The following FANCI variants were observed in gnomAD, a reference collection of about 807,000 sequenced individuals.
FANCI encodes the protein Fanconi anemia group I protein.
In FANCI, 156 loss-of-function variants were observed where a neutral mutation model predicts 176.1. That is an observed-to-expected ratio of 0.89 (90% CI 0.78 to 1.01). FANCI has a LOEUF of 1.01. Ranked by LOEUF, FANCI falls within the 50% of genes least tolerant of loss-of-function variation. FANCI has a pLI of 0.00. For synonymous variants in FANCI, 613 were observed against 541.7 expected (o/e 1.13, Z -1.83); for missense variants, 1,678 against 1,534.1 (o/e 1.09, Z -1.57).
At chr15:89,291,497 A>C (rs1005117472) in intron 19 of FANCI, 116 bp from the exon 20 acceptor site, 2 of 827,046 alleles carry the variant, frequency 2.4e-6, no homozygotes, top group Admixed American at 1.9e-5. Flanking sequence ...TTCTTTGAAC[A>C]GTTGGGAAAT....
intron 10 of FANCI, among the ~76,000 whole-genome samples, chr15:89,271,852 C>T (rs781244847): frequency 6.6e-6 from 1 of 152,142 alleles, no homozygotes; most frequent in Non-Finnish European, 1.5e-5. Flanking sequence ...AGCAGTCTCC[C>T]AGCTGGTGGA....
chr15:89,291,151 T>C (rs1015982532), intron 19 of FANCI, among the ~76,000 whole-genome samples: 1 of 152,232 alleles, frequency 6.6e-6, no homozygotes, highest in Admixed American at 6.5e-5. Flanking sequence ...GGCTGTCTTA[T>C]ATGCCAAATA....
chr15:89,272,362 CTT>C (rs923422823), intron 10 of FANCI, among the ~76,000 whole-genome samples: 7 of 151,918 alleles, frequency 4.6e-5, no homozygotes, highest in African/African-American at 1.5e-4. Context: ...TTTTCAATAA[CTT>C]TGTTATGAAT....
chr15:89,261,320 C>T (rs2052703806), intron 4 of FANCI, among the ~76,000 whole-genome samples: 1 of 152,130 alleles, frequency 6.6e-6, no homozygotes, highest in Admixed American at 6.6e-5. Flanking sequence ...GTATATATTA[C>T]ATTTCTGGTA....
chr15:89,290,208 C>A lies in FANCI; in HGVS notation c.1822-5C>A. Reference sequence around the variant, plus strand: ...TGCTTATTTCTTCTCTTTGATTCCTCTTAGGGGTTTTATGATGTTCTTCGA... The same window carrying A: ...TGCTTATTTCTTCTCTTTGATTCCTATTAGGGGTTTTATGATGTTCTTCGA... On this transcript the variant is annotated splice_polypyrimidine_tract_variant and splice_region_variant and intron_variant, in intron 18 of 37. Transcript: ENST00000310775. The A allele has an allele frequency of 6.2e-7, 1 of 1,611,994 alleles. No individual in the cohort carries two copies. The highest frequency in any genetic ancestry group is 8.5e-7 in the Non-Finnish European group (1 of 1,178,070).
In FANCI at chr15:89,274,129, T is replaced by G. The variant is rs1009545522; in HGVS notation, c.976-39T>G. The stretch of plus-strand genomic sequence containing the variant: ...TCTGTTAGGTGCTTGATCTTTTATT[T>G]ATTTATTTTTTCATTTATTTTTATT... On this transcript the variant is annotated intron_variant, in intron 11 of 37. Coordinates refer to ENST00000310775, the MANE Select transcript of FANCI (RefSeq NM_001113378.2). The G allele has an allele frequency of 3.5e-6, 5 of 1,412,674 alleles. No homozygotes were observed. In the African/African-American group the frequency reaches 7.2e-5, roughly 20 times the overall value. 87.5% of individuals were successfully genotyped at this position (1,412,674 alleles called of 1,614,324 possible). A position where few individuals can be genotyped will look rare whatever the true frequency, so the allele number is the denominator to read the frequency against.
chr15:89,257,961 T>C (rs1273009074), intron 2 of FANCI, among the ~76,000 whole-genome samples: 1 of 152,236 alleles, frequency 6.6e-6, no homozygotes, highest in African/African-American at 2.4e-5. Context: ...AGAGAAAAGC[T>C]AAACTTCCTA....
intron 18 of FANCI, among the ~76,000 whole-genome samples, chr15:89,285,664 C>T (rs930483910): frequency 1.3e-5 from 2 of 152,032 alleles, no homozygotes; most frequent in African/African-American, 2.4e-5. Flanking sequence ...GTTGATAGAC[C>T]TTAAATATTT....
intron 10 of FANCI, among the ~76,000 whole-genome samples, chr15:89,271,584 A>T (rs1224653188): frequency 1.3e-5 from 2 of 152,132 alleles, no homozygotes; most frequent in Non-Finnish European, 2.9e-5. Flanking sequence ...CTGCACCCTC[A>T]AACTCCTGGC....
chr15:89,266,802 A>G (rs1442434809), intron 9 of FANCI, among the ~76,000 whole-genome samples: 1 of 152,184 alleles, frequency 6.6e-6, no homozygotes, highest in Non-Finnish European at 1.5e-5. Flanking sequence ...CTAAATTAGA[A>G]TAAGCTGACA....
chr15:89,264,482 T>A (rs1459392429), intron 8 of FANCI, 40 bp from the exon 9 acceptor site: 2 of 1,525,498 alleles, frequency 1.3e-6, no homozygotes, highest in Non-Finnish European at 1.8e-6. Context: ...GTTATTTTGC[T>A]GTTAATTGGG....
chr15:89,305,336 C>A lies in FANCI; in HGVS notation c.3187-5C>A, dbSNP rs772237041. On this transcript the variant is annotated splice_region_variant and splice_polypyrimidine_tract_variant and intron_variant, in intron 29 of 37. Transcript: ENST00000310775. ...ATTAGGTCTCACCTCTCTTCTTTTC[C>A]CCAGGATGTAGAGGTGGAGAAAACA... The A allele has an allele frequency of 6.2e-7, 1 of 1,614,124 alleles. No individual in the cohort carries two copies. Among genetic ancestry groups the A allele is most frequent in the South Asian group, 1.1e-5 (1 of 91,068 alleles).
At position 89,274,209 on chromosome 15, in the gene FANCI, G is replaced by A. The variant is rs72762644; in HGVS notation, c.1017G>A (p.Lys339=). The A allele has an allele frequency of 1.4e-5, 22 of 1,601,908 alleles. No individual in the cohort carries two copies. The highest frequency in any genetic ancestry group is 1.7e-5 in the Non-Finnish European group (20 of 1,173,480). ...LLKTSVVKSF[K]DLQLLQGSKF... ...AGACTTCGGTTGTAAAGAGCTTTAA[G>A]GATCTTCAACTCCTCCAAGGCTCAA... Residue 339 remains lysine (K), a synonymous_variant, in exon 12 of 38, where the codon AAG becomes AAA. Transcript: ENST00000310775.
intron 14 of FANCI, 32 bp from the exon 15 acceptor site, chr15:89,281,138 T>G (rs776177714): frequency 1.1e-5 from 18 of 1,607,074 alleles, no homozygotes; most frequent in Admixed American, 3.3e-5. Context: ...TTTAGTTATT[T>G]GAGACAACTG....
intron 1 of FANCI, 48 bp downstream of exon 1, chr15:89,244,081 G>C (rs1474021270): frequency 6.5e-6 from 1 of 152,686 alleles, no homozygotes; most frequent in East Asian, 1.9e-4. Flanking sequence ...CTCGGGCTGT[G>C]GGACTGGGCC....
downstream of FANCI, chr15:89,317,207 T>C: frequency 1.5e-6 from 1 of 657,126 alleles, no homozygotes; most frequent in African/African-American, 1.8e-5. Flanking sequence ...TGAAACATCA[T>C]ATCACATTCA....
chr15:89,281,034 A>G, intron 14 of FANCI, 136 bp from the exon 15 acceptor site: 1 of 828,060 alleles, frequency 1.2e-6, no homozygotes, highest in Non-Finnish European at 2.0e-6. Flanking sequence ...TAGAATCAGT[A>G]GAAATTTGTA....
chr15:89,264,890 G>A (rs574579460), intron 9 of FANCI, among the ~76,000 whole-genome samples: 7 of 152,302 alleles, frequency 4.6e-5, no homozygotes, highest in East Asian at 1.9e-4. Flanking sequence ...TGGGGCTACC[G>A]TGCTGAACCA....
At chr15:89,245,402 T>C (rs1198210048) in intron 1 of FANCI, 1 of 135,368 alleles carries the variant, frequency 7.4e-6, no homozygotes, top group Non-Finnish European at 1.5e-5. Context: ...TTTCACCATC[T>C]TGGCCAGGAA....
Sources: allele counts gnomAD v4.1 joint callset (sites outside exome capture counted in the v4.1 genomes callset), GRCh38; gene constraint gnomAD v4.1.1; transcripts MANE v1.5; gene names NCBI Gene and HGNC (gene_info 2026-07-23, HGNC 2026-07-21).